DESI1: variants seen among roughly 807,000 people sequenced by gnomAD.
The protein encoded by DESI1 is PPPDE peptidase domain containing 2.
DESI1 carries 17 observed loss-of-function variants against 22.4 expected under a neutral mutation model. The ratio of observed to expected loss-of-function variants is 0.76; its 90% confidence interval spans 0.52 to 1.14. The LOEUF (loss-of-function observed/expected upper bound fraction) is 1.14. Ranked by LOEUF, DESI1 falls within the 50% of genes most tolerant of loss-of-function variation. The pLI is 0.00. For missense variants in DESI1, 177 were observed against 208.9 expected (o/e 0.85, Z 0.94); for synonymous variants, 92 against 84.2 (o/e 1.09, Z -0.51).
intron 1 of DESI1, among the ~76,000 whole-genome samples, chr22:41,614,705 T>G (rs1445609318): frequency 6.6e-6 from 1 of 150,444 alleles, no homozygotes; most frequent in Admixed American, 6.6e-5. Flanking sequence ...CTGCCTCAGC[T>G]TCCCGAGTAG....
chr22:41,604,368 C>T, intron 3 of DESI1: 1 of 428,908 alleles, frequency 2.3e-6, no homozygotes. Flanking sequence ...GCCTCAGCCT[C>T]CCAAGTAGCT....
intron 1 of DESI1, among the ~76,000 whole-genome samples, chr22:41,611,827 G>C (rs927823651): frequency 6.6e-5 from 10 of 151,994 alleles, no homozygotes; most frequent in Non-Finnish European, 1.2e-4. Context: ...TCCTGACCTC[G>C]TGATCCGCCC....
chr22:41,616,580 T>C (rs879447978), intron 1 of DESI1, among the ~76,000 whole-genome samples: 24 of 150,022 alleles, frequency 1.6e-4, no homozygotes, highest in Non-Finnish European at 2.4e-4. Context: ...CTGCATGTAC[T>C]GTGGCACAAA....
chr22:41,603,701 A>G (rs2067462456), intron 4 of DESI1, among the ~76,000 whole-genome samples: 1 of 152,220 alleles, frequency 6.6e-6, no homozygotes, highest in Non-Finnish European at 1.5e-5. Context: ...AATCTGCTCA[A>G]GTTTGTATTT....
At chr22:41,615,844 C>T (rs2067547783) in intron 1 of DESI1, among the ~76,000 whole-genome samples, 1 of 152,148 alleles carries the variant, frequency 6.6e-6, no homozygotes, top group African/African-American at 2.4e-5. Context: ...GCACCACTCA[C>T]TCACTTTGGC....
chr22:41,605,203 G>A (rs1228117229), intron 3 of DESI1, among the ~76,000 whole-genome samples: 1 of 152,158 alleles, frequency 6.6e-6, no homozygotes, highest in African/African-American at 2.4e-5. Flanking sequence ...AATCTGGCAG[G>A]CTGGCAGATA....
intron 5 of DESI1, 120 bp from the exon 6 acceptor site, chr22:41,601,310 A>T: frequency 2.2e-6 from 2 of 892,436 alleles, no homozygotes; most frequent in Non-Finnish European, 3.3e-6. Flanking sequence ...AAGCAGCACC[A>T]GCAGAGAAGG....
Position 41,603,256 on chromosome 22 carries a change from T to TA in DESI1, c.413+2dup. ...CAGGGGCAGGGACAGAGGCCACACT[T>TA]ACGTGGAGAGAACTTCAGAGGGCAG... On this transcript the variant is annotated splice_region_variant and intron_variant, in intron 5 of 5. Coordinates refer to ENST00000263256, the MANE Select transcript of DESI1 (RefSeq NM_015704.3). The TA allele has an allele frequency of 6.2e-7, 1 of 1,614,118 alleles. No individual in the cohort carries two copies. The highest frequency in any genetic ancestry group is 8.5e-7 in the Non-Finnish European group (1 of 1,179,984).
chr22:41,601,994 A>G, intron 5 of DESI1: 1 of 168,328 alleles, frequency 5.9e-6, no homozygotes, highest in Non-Finnish European at 1.2e-5. Flanking sequence ...TACAGGCATA[A>G]GCCACTGGGC....
At chr22:41,603,104 G>T in intron 5 of DESI1, 155 bp downstream of exon 5, 2 of 1,131,376 alleles carry the variant, frequency 1.8e-6, no homozygotes, top group Non-Finnish European at 2.5e-6. Context: ...CGCATCAGTG[G>T]GTGGAGAGAA....
intron 1 of DESI1, among the ~76,000 whole-genome samples, chr22:41,609,100 C>T (rs1000485176): frequency 2.0e-5 from 3 of 152,142 alleles, no homozygotes; most frequent in Admixed American, 2.0e-4. Flanking sequence ...CACCACCAAG[C>T]CCGGCTGATT....
rs2067445566 is a variant in DESI1 at position 41,600,839 on chromosome 22, AAACAGCATCCGAAGTG to A, written c.*242_*257del. On this transcript the variant is annotated 3_prime_UTR_variant, in exon 6 of 6. Coordinates refer to ENST00000263256, the MANE Select transcript of DESI1 (RefSeq NM_015704.3). ...TTCTCCAGTGTGGAGGACGCTTAGG[AAACAGCATCCGAAGTG>A]AACGCACAGACAAGACAGCCTTAAT... is the stretch of plus-strand genomic sequence containing the variant. The A allele has an allele frequency of 4.9e-6, 2 of 408,400 alleles. No homozygotes were observed. The highest frequency in any genetic ancestry group is 9.0e-6 in the Non-Finnish European group (2 of 222,744). The allele number at this position is 408,400 out of a possible 1,614,324, so 25.3% of individuals were successfully genotyped here.
In DESI1 at chr22:41,603,024, C is replaced by G. The variant is rs1388178710; in HGVS notation, c.413+235G>C. ...ACTGAAGCCAGTGTCAAGTGGGTGTCTAAGTTCTGTGGTTGCACTTAGGCC... is the reference window on the plus strand; with the variant it reads ...ACTGAAGCCAGTGTCAAGTGGGTGTGTAAGTTCTGTGGTTGCACTTAGGCC... On this transcript the variant is annotated intron_variant, in intron 5 of 5. Coordinates refer to ENST00000263256, the MANE Select transcript of DESI1 (RefSeq NM_015704.3). The G allele has an allele frequency of 1.3e-5, 9 of 667,358 alleles. No homozygotes were observed. The Admixed American group carries it at 1.6e-4, about 12-fold the overall frequency. The allele number at this position is 667,358 out of a possible 1,614,324, so 41.3% of individuals were successfully genotyped here.
chr22:41,607,130 T>G (rs1601510942), intron 3 of DESI1, 132 bp downstream of exon 3: 7 of 791,928 alleles, frequency 8.8e-6, no homozygotes, highest in East Asian at 3.1e-5. Flanking sequence ...CTGGGAAAGG[T>G]TTTATTGAGC....
At chr22:41,607,176 A>C in intron 3 of DESI1, 86 bp downstream of exon 3, 1 of 1,292,254 alleles carries the variant, frequency 7.7e-7, no homozygotes, top group African/African-American at 1.5e-5. Context: ...CAATGCCAGA[A>C]GTCCATAGTA....
In DESI1 at chr22:41,602,497, C is replaced by T. The variant is rs1249248631; in HGVS notation, c.413+762G>A. The T allele has an allele frequency of 2.8e-5, 28 of 985,340 alleles. No individual in the cohort carries two copies. The South Asian group carries it at 6.1e-4, about 21-fold the overall frequency. 61.0% of individuals were successfully genotyped at this position (985,340 alleles called of 1,614,324 possible). On this transcript the variant is annotated intron_variant, in intron 5 of 5. Coordinates refer to ENST00000263256, the MANE Select transcript of DESI1 (RefSeq NM_015704.3). The stretch of plus-strand genomic sequence containing the variant: ...TGCTTCCTCAGATATAAAAAACAGC[C>T]CACCTTGCTGGGCCTGCGAAACCTG...
At chr22:41,615,060 A>G (rs1424232090) in intron 1 of DESI1, among the ~76,000 whole-genome samples, 1 of 151,444 alleles carries the variant, frequency 6.6e-6, no homozygotes, top group African/African-American at 2.4e-5. Flanking sequence ...GCACTTTTGG[A>G]GGCTGAGGCG....
In DESI1 at chr22:41,600,866, C is replaced by T; in HGVS notation, c.*231G>A. Reference sequence around the variant, plus strand: ...ACAGCATCCGAAGTGAACGCACAGACAAGACAGCCTTAATAAATTAGTATA... The same window carrying T: ...ACAGCATCCGAAGTGAACGCACAGATAAGACAGCCTTAATAAATTAGTATA... On this transcript the variant is annotated 3_prime_UTR_variant, in exon 6 of 6. Transcript: ENST00000263256. The T allele has an allele frequency of 2.0e-6, 1 of 493,002 alleles. No homozygotes were observed. The highest frequency in any genetic ancestry group is 2.3e-5 in the South Asian group (1 of 44,174). 30.5% of individuals were successfully genotyped at this position (493,002 alleles called of 1,614,324 possible). A position where few individuals can be genotyped will look rare whatever the true frequency, so the allele number is the denominator to read the frequency against.
chr22:41,601,759 G>A (rs1316280826), intron 5 of DESI1, among the ~76,000 whole-genome samples: 2 of 152,150 alleles, frequency 1.3e-5, no homozygotes, highest in African/African-American at 4.8e-5. Context: ...CTAGCCTAGA[G>A]CTGGAGTGCA....
Sources: gnomAD v4.1 joint callset for allele counts (sites outside exome capture counted in the v4.1 genomes callset) on GRCh38, gnomAD v4.1.1 for gene constraint, MANE v1.5 for transcripts, NCBI Gene and HGNC (gene_info 2026-07-23, HGNC 2026-07-21) for gene names.